The following ZBED6 variants were observed in gnomAD, a reference collection of about 807,000 sequenced individuals.
ZBED6 encodes the protein zinc finger BED domain-containing protein 6.
In ZBED6, 40 loss-of-function variants were observed where a neutral mutation model predicts 58.4. The ratio of observed to expected loss-of-function variants is 0.68; its 90% CI spans 0.53 to 0.89. ZBED6 has a LOEUF of 0.89. Ranked by LOEUF, ZBED6 falls within the 40% of genes least tolerant of loss-of-function variation. The pLI is 0.00. For synonymous variants in ZBED6, 439 were observed against 350.6 expected, an observed-to-expected ratio of 1.25 and a Z score of -2.82; for missense variants, 1,057 against 1,003.9, an observed-to-expected ratio of 1.05 and a Z score of -0.71.
At chr1:203,817,536 T>TGA (rs1676766078) in intron 2 of ZBED6, among the ~76,000 whole-genome samples, 1 of 149,108 alleles carries the variant, frequency 6.7e-6, no homozygotes. Flanking sequence ...TTGACTTCTT[T>TGA]CTTCTCCCAG....
intron 3 of ZBED6, 104 bp from the exon 4 acceptor site, chr1:203,828,195 T>A: frequency 7.3e-7 from 1 of 1,377,118 alleles, no homozygotes; most frequent in Non-Finnish European, 1.0e-6. Flanking sequence ...CTCACATGCC[T>A]CGGATTTTTG....
At chr1:203,837,906 A>T (rs1183180776) in intron 9 of ZBED6, 60 bp from the exon 10 acceptor site, 3 of 1,521,582 alleles carry the variant, frequency 2.0e-6, no homozygotes, top group Admixed American at 1.9e-5. Flanking sequence ...TTTTGTTTGT[A>T]TTTCTTGTCC....
exon 1 of ZBED6, chr1:203,799,873 A>G: frequency 6.5e-7 from 1 of 1,535,664 alleles, no homozygotes. Context: ...TTTTTTCCTC[A>G]AGGTGCTGAT....
intron 9 of ZBED6, among the ~76,000 whole-genome samples, chr1:203,834,639 T>C (rs1683635762): frequency 6.6e-6 from 1 of 152,104 alleles, no homozygotes; most frequent in Non-Finnish European, 1.5e-5. Flanking sequence ...CTAACGTGTC[T>C]GACTCCAAAA....
At chr1:203,804,271 C>T (rs1325327619) in intron 1 of ZBED6, among the ~76,000 whole-genome samples, 1 of 151,766 alleles carries the variant, frequency 6.6e-6, no homozygotes, top group African/African-American at 2.4e-5. Context: ...CCTGCCTCAG[C>T]CTCCCGAGTA....
intron 3 of ZBED6, among the ~76,000 whole-genome samples, chr1:203,819,085 T>G (rs1376494383): frequency 1.5e-5 from 1 of 65,972 alleles, no homozygotes. Flanking sequence ...AAAATATATA[T>G]ATATACACAC....
At chr1:203,799,099 G>A in exon 1 of ZBED6, 1 of 1,535,766 alleles carries the variant, frequency 6.5e-7, no homozygotes. Flanking sequence ...GCAGTGCTTT[G>A]TGTTACAGGT....
chr1:203,850,634 A>C (rs776800582), exon 15 of ZBED6: 4 of 1,614,182 alleles, frequency 2.5e-6, no homozygotes, highest in Non-Finnish European at 2.5e-6. Context: ...GAAGCCACTC[A>C]GCTCCAGCAG....
In ZBED6 at chr1:203,850,460, C is replaced by T. The variant is rs753031046; in HGVS notation, c.*4639-55C>T. On this transcript the variant is annotated intron_variant, in intron 14 of 16. Transcript: ENST00000550078. ...TTTGATATTTTATTCTGAATTATTC[C>T]CCATTTAAAAGAGTCTATTCTCACT... 7 of 1,591,048 alleles carry T rather than the reference C, an allele frequency of 4.4e-6. No homozygotes were observed. The South Asian group carries it at 7.7e-5, about 18-fold the overall frequency.
chr1:203,851,156 C>G (rs148897312), intron 16 of ZBED6, 32 bp downstream of exon 16: 1 of 1,603,566 alleles, frequency 6.2e-7, no homozygotes, highest in East Asian at 2.2e-5. Context: ...TAAACAAACT[C>G]CAGGCCCCTG....
Position 203,834,056 on chromosome 1 carries a change from A to G in ZBED6, c.*3573+203A>G, listed in dbSNP as rs994246278. ...ATTTAAAGTGTTACAATTGAACTAG[A>G]TTATGACCATGACCAGCGTTTTGGA... On this transcript the variant is annotated intron_variant, in intron 9 of 16. Coordinates refer to ENST00000550078, the Ensembl canonical transcript of ZBED6. 5.6e-6 allele frequency: 7 copies of G among 1,239,066 alleles called. No homozygotes were observed. The African/African-American group carries it at 9.3e-5, about 17-fold the overall frequency. The allele number at this position is 1,239,066 out of a possible 1,614,324, so 76.8% of individuals were successfully genotyped here.
At chr1:203,822,404 T>G (rs1679077815) in intron 3 of ZBED6, among the ~76,000 whole-genome samples, 1 of 151,890 alleles carries the variant, frequency 6.6e-6, no homozygotes, top group Non-Finnish European at 1.5e-5. Context: ...CTCACCCTGC[T>G]TGGACCCCAA....
At chr1:203,801,900 A>T (rs1411562063) in exon 1 of ZBED6, 1 of 152,500 alleles carries the variant, frequency 6.6e-6, no homozygotes, top group Non-Finnish European at 1.5e-5. Context: ...CCTTTTACTA[A>T]CTGGAGTAAA....
intron 11 of ZBED6, among the ~76,000 whole-genome samples, chr1:203,842,722 T>C (rs1031271856): frequency 7.3e-5 from 11 of 151,198 alleles, no homozygotes; most frequent in African/African-American, 1.9e-4. Flanking sequence ...TGTAAAGATA[T>C]AAACATATAC....
chr1:203,799,572 C>G (rs1352862700), exon 1 of ZBED6: 1 of 702,928 alleles, frequency 1.4e-6, no homozygotes, highest in Non-Finnish European at 2.6e-6. Flanking sequence ...TCAGTGGACT[C>G]TAATGACTTA....
intron 3 of ZBED6, among the ~76,000 whole-genome samples, chr1:203,819,037 C>T (rs1677309292): frequency 3.3e-5 from 5 of 149,634 alleles, no homozygotes; most frequent in Admixed American, 2.7e-4. Flanking sequence ...CCACTGCACT[C>T]CAGCCTGGTG....
chr1:203,835,858 G>A (rs936686048), intron 9 of ZBED6: 11 of 240,200 alleles, frequency 4.6e-5, no homozygotes, highest in Admixed American at 2.2e-4. Context: ...CTTTTTTTCC[G>A]GAGACCCCAC....
intron 9 of ZBED6, chr1:203,834,097 A>G: frequency 8.5e-7 from 1 of 1,172,238 alleles, no homozygotes. Flanking sequence ...CTAGATTTTA[A>G]AAATGGTAAA....
intron 12 of ZBED6, 23 bp from the exon 13 acceptor site, chr1:203,848,308 T>A: frequency 2.5e-6 from 4 of 1,581,184 alleles, no homozygotes; most frequent in Non-Finnish European, 3.4e-6. Context: ...AAATAACTAA[T>A]GATGTCTTTA....
Sources: allele counts gnomAD v4.1 joint callset (sites outside exome capture counted in the v4.1 genomes callset), GRCh38; gene constraint gnomAD v4.1.1; transcripts MANE v1.5; gene names NCBI Gene and HGNC (gene_info 2026-07-23, HGNC 2026-07-21).